The following ROBO1 variants were observed in gnomAD, a reference collection of about 807,000 sequenced individuals.
ROBO1 encodes roundabout homolog 1.
In ROBO1, 149 loss-of-function variants were observed where a neutral mutation model predicts 195.9. The ratio of observed to expected loss-of-function variants is 0.76; its 90% CI spans 0.67 to 0.87. The LOEUF (loss-of-function observed/expected upper bound fraction) is 0.87, where lower values mean the gene tolerates loss of function less well. Among genes scored for constraint, ROBO1 ranks in the 40% least tolerant of loss-of-function variants. The pLI is 0.00. For synonymous variants in ROBO1, 816 were observed against 733.2 expected, an observed-to-expected ratio of 1.11 and a Z score of -1.82; for missense variants, 1,933 against 2,068.3, an observed-to-expected ratio of 0.93 and a Z score of 1.27.
At chr3:79,185,033 G>C (rs991868930) in intron 2 of ROBO1, among the ~76,000 whole-genome samples, 1 of 152,064 alleles carries the variant, frequency 6.6e-6, no homozygotes, top group Admixed American at 6.5e-5. Context: ...CAAAAAGCTC[G>C]GTTTCTTTCT....
chr3:78,783,354 G>T (rs1361238078), intron 4 of ROBO1, among the ~76,000 whole-genome samples: 1 of 152,110 alleles, frequency 6.6e-6, no homozygotes, highest in Non-Finnish European at 1.5e-5. Flanking sequence ...AGCAAAACTA[G>T]CCATTACTAA....
chr3:79,738,166 T>C (rs1703468138), intron 1 of ROBO1, among the ~76,000 whole-genome samples: 1 of 152,178 alleles, frequency 6.6e-6, no homozygotes, highest in African/African-American at 2.4e-5. Context: ...GGGTGGTTCT[T>C]CTTTCAATTC....
chr3:79,702,144 TAAA>T (rs1947640284), intron 1 of ROBO1, among the ~76,000 whole-genome samples: 1 of 151,732 alleles, frequency 6.6e-6, no homozygotes, highest in Non-Finnish European at 1.5e-5. Context: ...CATCCATAAT[TAAA>T]AGAAAATGGC....
intron 8 of ROBO1, among the ~76,000 whole-genome samples, chr3:78,711,348 C>CTTTCTTTCTTCCTTCCT (rs1428531321): frequency 1.8e-5 from 1 of 54,702 alleles, no homozygotes; most frequent in Non-Finnish European, 3.2e-5. Flanking sequence ...TCCTTCCTTC[C>CTTTCTTTCTTCCTTCCT]TCCTTCCTTC....
At chr3:79,147,737 A>C (rs1205249294) in intron 2 of ROBO1, among the ~76,000 whole-genome samples, 1 of 151,984 alleles carries the variant, frequency 6.6e-6, no homozygotes, top group African/African-American at 2.4e-5. Context: ...GCTTAGTTTC[A>C]TATACAGCAT....
intron 2 of ROBO1, among the ~76,000 whole-genome samples, chr3:79,265,398 T>A (rs2083021026): frequency 6.6e-6 from 1 of 151,628 alleles, no homozygotes; most frequent in Non-Finnish European, 1.5e-5. Context: ...CAAATTATAT[T>A]TGGGAATTTA....
chr3:79,474,615 T>TA (rs1553749468), intron 2 of ROBO1, among the ~76,000 whole-genome samples: 1 of 152,184 alleles, frequency 6.6e-6, no homozygotes, highest in Non-Finnish European at 1.5e-5. Flanking sequence ...ACATAAATTT[T>TA]AAAAAACATT....
chr3:79,668,508 A>T (rs1946537736), intron 1 of ROBO1, among the ~76,000 whole-genome samples: 1 of 151,774 alleles, frequency 6.6e-6, no homozygotes, highest in South Asian at 2.1e-4. Context: ...AGAAGTTATT[A>T]AGAATTTTTA....
At chr3:78,944,832 A>G (rs566813471) in intron 3 of ROBO1, among the ~76,000 whole-genome samples, 32 of 152,266 alleles carry the variant, frequency 2.1e-4, no homozygotes, top group African/African-American at 7.7e-4. Context: ...CGCTTTTCCA[A>G]TGGACTTAAA....
intron 2 of ROBO1, among the ~76,000 whole-genome samples, chr3:79,500,016 C>T (rs1939971895): frequency 6.6e-6 from 1 of 151,224 alleles, no homozygotes; most frequent in African/African-American, 2.4e-5. Context: ...CCGTATTAGT[C>T]AGGCTGCTTT....
At chr3:79,575,134 T>C (rs1425350807) in intron 2 of ROBO1, among the ~76,000 whole-genome samples, 2 of 84,700 alleles carry the variant, frequency 2.4e-5, no homozygotes, top group African/African-American at 8.4e-5. Flanking sequence ...TATAAATATA[T>C]ATAACAAATA....
At chr3:78,665,410 T>C (rs1707672926) in intron 14 of ROBO1, among the ~76,000 whole-genome samples, 2 of 152,214 alleles carry the variant, frequency 1.3e-5, no homozygotes, top group South Asian at 4.1e-4. Flanking sequence ...TCTATCCTTT[T>C]ACAGCTAATT....
intron 19 of ROBO1, among the ~76,000 whole-genome samples, chr3:78,649,927 A>G (rs2292222): frequency 0.055 from 8,326 of 152,246 alleles, 643 homozygotes; most frequent in African/African-American, 0.17. Context: ...GTTCAAGACA[A>G]TGTAGACCAT....
At chr3:79,689,019 T>C (rs1005020654) in intron 1 of ROBO1, among the ~76,000 whole-genome samples, 1 of 152,048 alleles carries the variant, frequency 6.6e-6, no homozygotes, top group African/African-American at 2.4e-5. Context: ...AGCTATTCTA[T>C]TTAACATTGT....
intron 4 of ROBO1, among the ~76,000 whole-genome samples, chr3:78,812,142 G>A (rs1364341302): frequency 6.6e-6 from 1 of 152,080 alleles, no homozygotes; most frequent in Non-Finnish European, 1.5e-5. Flanking sequence ...ATTTTCTAAA[G>A]TGAACTCACC....
chr3:79,463,101 A>G (rs557649366), intron 2 of ROBO1, among the ~76,000 whole-genome samples: 223 of 152,176 alleles, frequency 1.5e-3, no homozygotes, highest in African/African-American at 5.1e-3. Flanking sequence ...AGGCCGGGCG[A>G]GGTGGCTCAC....
intron 2 of ROBO1, among the ~76,000 whole-genome samples, chr3:79,458,925 T>C (rs933854494): frequency 6.6e-6 from 1 of 152,148 alleles, no homozygotes; most frequent in African/African-American, 2.4e-5. Flanking sequence ...AACAAAACTT[T>C]CTTTACTATT....
chr3:79,445,802 C>T (rs141520114), intron 2 of ROBO1, among the ~76,000 whole-genome samples: 290 of 151,998 alleles, frequency 1.9e-3, no homozygotes, highest in South Asian at 7.1e-3. Flanking sequence ...GCTGGGACTA[C>T]AGGCGCCCGC....
chr3:79,565,258 G>T lies in ROBO1; in HGVS notation c.88+24566C>A, dbSNP rs566742074. 2.0e-5 allele frequency among the ~76,000 whole-genome samples: 3 copies of T among 151,728 alleles called. No homozygotes were observed. In the South Asian group the frequency reaches 6.2e-4, roughly 32 times the overall value. ...AATTGAGGCACAGTCTTAACCATCA[G>T]ACAGAACTGTTTACATTTGGCTATT... On this transcript the variant is annotated intron_variant, in intron 2 of 30. Transcript: ENST00000464233.
Sources: gnomAD v4.1 joint callset for allele counts (sites outside exome capture counted in the v4.1 genomes callset) on GRCh38, gnomAD v4.1.1 for gene constraint, MANE v1.5 for transcripts, NCBI Gene and HGNC (gene_info 2026-07-23, HGNC 2026-07-21) for gene names.